Variants in TFEC observed in about 807,000 individuals in gnomAD.
TFEC encodes class E basic helix-loop-helix protein 34.
Under a neutral mutation model 41.6 loss-of-function variants are expected in TFEC, and 31 were observed. The observed-to-expected ratio is 0.74, with a 90% CI of 0.56 to 1.01. The LOEUF is 1.01. TFEC is among the 50% of genes least tolerant of loss of function. The pLI is 0.00. For missense variants in TFEC, 402 were observed against 404.1 expected (o/e 0.99, Z 0.04); for synonymous variants, 143 against 140.6 (o/e 1.02, Z -0.12).
In TFEC at chr7:115,984,431, T is replaced by C; in HGVS notation, c.11A>G (p.Asp4Gly). Residue 4 changes from aspartate to glycine, a missense_variant, in exon 2 of 8, where the codon GAT becomes GGT. Transcript: ENST00000265440. Reference protein sequence around the residue: MTLDHQIINPTLKW... With the variant: MTLGHQIINPTLKW... ...AAGAGTTGGATTGATGATCTGATGATCAAGGGTCATGAAAGAGTTTACTTT... is the reference window on the plus strand; with the variant it reads ...AAGAGTTGGATTGATGATCTGATGACCAAGGGTCATGAAAGAGTTTACTTT... The C allele has an allele frequency of 1.2e-6, 2 of 1,614,138 alleles. No individual in the cohort carries two copies. Among genetic ancestry groups the C allele is most frequent in the Non-Finnish European group, 1.7e-6 (2 of 1,179,974 alleles).
intron 1 of TFEC, among the ~76,000 whole-genome samples, chr7:116,026,344 T>C (rs780786487): frequency 4.6e-5 from 7 of 152,236 alleles, no homozygotes; most frequent in African/African-American, 7.2e-5. Context: ...CTTTGAACCC[T>C]TTCCAGATTG....
intron 1 of TFEC, among the ~76,000 whole-genome samples, chr7:115,986,396 T>A (rs1486396465): frequency 1.3e-5 from 2 of 152,018 alleles, no homozygotes; most frequent in Non-Finnish European, 2.9e-5. Flanking sequence ...ATTCAGCTAG[T>A]GAGAGAAAGA....
chr7:116,125,763 G>A (rs1474552996), intron 1 of TFEC, among the ~76,000 whole-genome samples: 2 of 152,170 alleles, frequency 1.3e-5, no homozygotes, highest in African/African-American at 2.4e-5. Flanking sequence ...AGAGGGTAAG[G>A]TTGGTGCCTC....
chr7:116,128,086 C>G (rs535309027), intron 1 of TFEC, among the ~76,000 whole-genome samples: 9 of 152,190 alleles, frequency 5.9e-5, no homozygotes, highest in Non-Finnish European at 1.3e-4. Context: ...CTAACATGCT[C>G]TCATGTAAAA....
chr7:115,957,937 T>C (rs1243698985), intron 3 of TFEC, among the ~76,000 whole-genome samples: 1 of 151,866 alleles, frequency 6.6e-6, no homozygotes, highest in Non-Finnish European at 1.5e-5. Context: ...ATATAATAAA[T>C]GTTGTATATA....
chr7:116,046,009 T>C (rs1328490778), intron 3 of TFEC, among the ~76,000 whole-genome samples: 1 of 152,200 alleles, frequency 6.6e-6, no homozygotes, highest in African/African-American at 2.4e-5. Flanking sequence ...ATTTCTCCCA[T>C]TTGGAATGGC....
chr7:116,081,015 G>GTGTGTGTGTGTGTGTA (rs1562962557), intron 3 of TFEC, among the ~76,000 whole-genome samples: 5 of 147,678 alleles, frequency 3.4e-5, no homozygotes, highest in African/African-American at 1.2e-4. Flanking sequence ...GTGTGTGTGT[G>GTGTGTGTGTGTGTGTA]TATAAATATA....
intron 3 of TFEC, among the ~76,000 whole-genome samples, chr7:116,061,668 A>G (rs1331081381): frequency 8.2e-6 from 1 of 121,766 alleles, no homozygotes; most frequent in African/African-American, 3.4e-5. Context: ...AAAAGATAAG[A>G]CTACGAGACT....
At chr7:116,023,324 A>T (rs897342655) in intron 1 of TFEC, among the ~76,000 whole-genome samples, 1 of 152,244 alleles carries the variant, frequency 6.6e-6, no homozygotes, top group Admixed American at 6.5e-5. Flanking sequence ...ACTTAGAGGT[A>T]TACAAGAATT....
chr7:116,152,386 G>GC (rs2116471161), intron 1 of TFEC, among the ~76,000 whole-genome samples: 1 of 152,304 alleles, frequency 6.6e-6, no homozygotes, highest in East Asian at 1.9e-4. Flanking sequence ...GAGGCTCAAT[G>GC]CAGTTAGAAT....
At chr7:116,041,158 A>AT (rs1796028792) in intron 3 of TFEC, among the ~76,000 whole-genome samples, 1 of 152,192 alleles carries the variant, frequency 6.6e-6, no homozygotes. Flanking sequence ...AAACATACTA[A>AT]TTACACTGGG....
At chr7:116,058,336 A>G (rs1796475733) in intron 3 of TFEC, among the ~76,000 whole-genome samples, 1 of 151,806 alleles carries the variant, frequency 6.6e-6, no homozygotes, top group Non-Finnish European at 1.5e-5. Context: ...AGAGCATACA[A>G]TCAGTTATGA....
In TFEC at chr7:115,942,715, T is replaced by A. The variant is rs376966555; in HGVS notation, c.516-675A>T. 2.8e-3 allele frequency among the ~76,000 whole-genome samples: 431 copies of A among 152,158 alleles called. 5 individuals are homozygous for A. The highest frequency in any genetic ancestry group is 0.01 in the African/African-American group (421 of 41,570). The stretch of plus-strand genomic sequence containing the variant: ...GTAAATATAATTAAACATTACTGGA[T>A]AACTTTTTAGGCTATAGCATAGAAG... On this transcript the variant is annotated intron_variant, in intron 6 of 7. Coordinates refer to ENST00000265440, the MANE Select transcript of TFEC (RefSeq NM_012252.4).
chr7:116,005,114 G>T (rs1794739613), intron 1 of TFEC, among the ~76,000 whole-genome samples: 1 of 152,130 alleles, frequency 6.6e-6, no homozygotes, highest in Admixed American at 6.5e-5. Flanking sequence ...TCTTTCTTTT[G>T]TAAATTGCCC....
At chr7:115,945,221 A>G (rs1311156148) in intron 6 of TFEC, among the ~76,000 whole-genome samples, 3 of 149,500 alleles carry the variant, frequency 2.0e-5, no homozygotes, top group African/African-American at 4.9e-5. Flanking sequence ...TTATTTTCTC[A>G]CCCTCAAAGT....
chr7:116,080,035 C>A (rs1009375682), intron 3 of TFEC, among the ~76,000 whole-genome samples: 3 of 152,058 alleles, frequency 2.0e-5, no homozygotes, highest in African/African-American at 7.2e-5. Context: ...CAAATACTTA[C>A]AACCAACTGA....
intron 1 of TFEC, among the ~76,000 whole-genome samples, chr7:116,149,834 C>T (rs1292056814): frequency 2.0e-5 from 3 of 152,156 alleles, no homozygotes; most frequent in African/African-American, 7.2e-5. Flanking sequence ...AGCCTTTTCT[C>T]CTGAGATCAG....
At chr7:116,120,279 C>A (rs1360582929) in intron 1 of TFEC, 10 of 151,884 alleles carry the variant, frequency 6.6e-5, no homozygotes, top group Admixed American at 6.6e-4. Context: ...TCCATGGAAC[C>A]TTTGCAAAAG....
intron 1 of TFEC, among the ~76,000 whole-genome samples, chr7:116,134,615 T>C (rs907147009): frequency 1.3e-5 from 2 of 152,186 alleles, no homozygotes; most frequent in Non-Finnish European, 2.9e-5. Context: ...AAAAATTACA[T>C]GAAAACAGGT....
Sources: gnomAD v4.1 joint callset for allele counts (sites outside exome capture counted in the v4.1 genomes callset) on GRCh38, gnomAD v4.1.1 for gene constraint, MANE v1.5 for transcripts, NCBI Gene and HGNC (gene_info 2026-07-23, HGNC 2026-07-21) for gene names.